Variants in TACC2 observed in about 807,000 individuals in gnomAD.
TACC2 encodes the protein transforming acidic coiled-coil containing protein 2, also known as transforming acidic coiled-coil-containing protein 2.
TACC2 carries 137 observed loss-of-function variants against 227.3 expected under a neutral mutation model. The ratio of observed to expected loss-of-function variants is 0.60; its 90% CI spans 0.52 to 0.69. The LOEUF (loss-of-function observed/expected upper bound fraction) is 0.69, where lower values mean the gene tolerates loss of function less well. Ranked by LOEUF, TACC2 falls within the 30% of genes least tolerant of loss-of-function variation. The pLI, the probability that TACC2 is intolerant of heterozygous loss-of-function variation, is 0.00. For missense variants in TACC2, 3,470 were observed against 3,694.4 expected, an observed-to-expected ratio of 0.94 and a Z score of 1.57; for synonymous variants, 1,523 against 1,487.5, an observed-to-expected ratio of 1.02 and a Z score of -0.55.
intron 16 of TACC2, among the ~76,000 whole-genome samples, chr10:122,231,553 G>GT (rs2141463481): frequency 6.6e-6 from 1 of 152,238 alleles, no homozygotes; most frequent in East Asian, 1.9e-4. Context: ...TCTTGCTTCT[G>GT]TTACCTGATC....
At chr10:122,225,727 G>A (rs1000075960) in intron 12 of TACC2, among the ~76,000 whole-genome samples, 2 of 152,190 alleles carry the variant, frequency 1.3e-5, no homozygotes, top group Non-Finnish European at 2.9e-5. Context: ...TGCCTGGTGC[G>A]TTGGCAGGCC....
At chr10:122,135,560 T>C (rs922583465) in intron 6 of TACC2, among the ~76,000 whole-genome samples, 1 of 152,232 alleles carries the variant, frequency 6.6e-6, no homozygotes, top group Admixed American at 6.5e-5. Context: ...TGTTGTCTTG[T>C]TGTTTTTACT....
At chr10:121,999,931 A>C (rs750543611) in intron 1 of TACC2, among the ~76,000 whole-genome samples, 11 of 152,244 alleles carry the variant, frequency 7.2e-5, no homozygotes, top group Non-Finnish European at 8.8e-5. Flanking sequence ...TGCAGGCCCA[A>C]GGTCTAGGAG....
At chr10:122,108,400 CTA>C (rs1216778117) in intron 5 of TACC2, among the ~76,000 whole-genome samples, 8 of 147,256 alleles carry the variant, frequency 5.4e-5, no homozygotes, top group Non-Finnish European at 7.4e-5. Context: ...CTCTCTCTCT[CTA>C]TGTGTGTGTG....
intron 7 of TACC2, among the ~76,000 whole-genome samples, chr10:122,181,841 C>T (rs757465852): frequency 2.3e-4 from 35 of 152,140 alleles, no homozygotes; most frequent in Non-Finnish European, 4.0e-4. Context: ...AATACTTATT[C>T]CCTACAATTA....
Position 122,176,117 on chromosome 10 carries a change from C to CTCTCTA in TACC2, c.5835-18922_5835-18921insCTCTAT, listed in dbSNP as rs1447382017. Among the ~76,000 whole-genome samples the CTCTCTA allele has an allele frequency of 3.1e-3, 169 of 54,630 alleles. 1 individual carries two copies. Among genetic ancestry groups the CTCTCTA allele is most frequent in the Non-Finnish European group, 4.6e-3 (132 of 28,766 alleles). 35.8% of individuals were successfully genotyped at this position (54,630 alleles called of 152,430 possible). ...TCTCTCTCTCTCTCTCTCTCTCTCT[C>CTCTCTA]TATATATATATATATATATATATAT... On this transcript the variant is annotated intron_variant, in intron 7 of 22. Transcript: ENST00000369005.
rs370168206 is a variant in TACC2, at chr10:122,210,599, C to T, written c.6174C>T (p.Asp2058=). 95 of 1,613,998 alleles carry T rather than the reference C, an allele frequency of 5.9e-5. No individual in the cohort carries two copies. The highest frequency in any genetic ancestry group is 1.6e-4 in the Middle Eastern group (1 of 6,082). ...TFQTLEPRAS[D]AKNQEGKVNT... is the part of the protein sequence containing the mutation. ...AGACCTTGGAGCCTCGTGCCTCAGACGCTAAGAATCAGGAGGGCAAAGTGA... is the reference window on the plus strand; with the variant it reads ...AGACCTTGGAGCCTCGTGCCTCAGATGCTAAGAATCAGGAGGGCAAAGTGA... The change falls in exon 9 of 23, where the codon GAC becomes GAT. Residue 2058 remains aspartate (D), a synonymous_variant. Coordinates refer to ENST00000369005, the MANE Select transcript of TACC2 (RefSeq NM_206862.4). The surrounding 1 kb of genome is among the most constrained non-coding windows in gnomAD (Gnocchi z 4.6).
At chr10:122,188,361 C>T (rs1327756093) in intron 7 of TACC2, among the ~76,000 whole-genome samples, 1 of 152,146 alleles carries the variant, frequency 6.6e-6, no homozygotes, top group African/African-American at 2.4e-5. Flanking sequence ...CTCACTACAA[C>T]CTCTGCCTCC....
At chr10:122,211,958 T>A (rs571988293) in intron 9 of TACC2, among the ~76,000 whole-genome samples, 12 of 152,320 alleles carry the variant, frequency 7.9e-5, no homozygotes, top group African/African-American at 2.9e-4. Flanking sequence ...AATAAATCAA[T>A]GGGCTGGAGC....
chr10:122,195,232 G>C, intron 8 of TACC2, 56 bp downstream of exon 8: 1 of 1,490,948 alleles, frequency 6.7e-7, no homozygotes, highest in Non-Finnish European at 9.1e-7. Context: ...AGCCCTGGGG[G>C]AGATTTGCAG....
chr10:122,181,034 G>A (rs1009135560), intron 7 of TACC2, among the ~76,000 whole-genome samples: 1 of 152,128 alleles, frequency 6.6e-6, no homozygotes, highest in African/African-American at 2.4e-5. Context: ...ATGAGCCACC[G>A]CGCCCGGCCA....
chr10:122,169,257 G>T (rs2093349397), intron 7 of TACC2, among the ~76,000 whole-genome samples: 1 of 152,238 alleles, frequency 6.6e-6, no homozygotes, highest in Non-Finnish European at 1.5e-5. Flanking sequence ...AGCCCACTGA[G>T]CAGGCTCAGA....
rs972147750 is a variant in TACC2 at position 122,031,563 on chromosome 10, C to G, written c.33+9549C>G. ...GGGACTATAGGCGCCCACCACTGCG[C>G]CCGGCTAATTTTTGCATTTTTAGTA... On this transcript the variant is annotated intron_variant, in intron 2 of 22. Transcript: ENST00000369005. 4.0e-5 allele frequency among the ~76,000 whole-genome samples: 6 copies of G among 151,780 alleles called. No homozygotes were observed. In the East Asian group the frequency reaches 1.2e-3, roughly 30 times the overall value.
chr10:122,149,535 C>G (rs569953967), intron 7 of TACC2, among the ~76,000 whole-genome samples: 1 of 150,472 alleles, frequency 6.6e-6, no homozygotes, highest in Admixed American at 6.6e-5. Context: ...CCAAATTGCT[C>G]CCTTCCCTCT....
chr10:122,039,525 G>T (rs2073991057), intron 2 of TACC2, among the ~76,000 whole-genome samples: 1 of 152,104 alleles, frequency 6.6e-6, no homozygotes, highest in African/African-American at 2.4e-5. Context: ...GTCTGGGGCG[G>T]CCTGAGATGT....
chr10:122,015,332 C>T lies in TACC2; in HGVS notation c.-45-6605C>T, dbSNP rs550608132. On this transcript the variant is annotated intron_variant, in intron 1 of 22. Transcript: ENST00000369005. ...CCAGCCTGCCCAACATGGTGAAACC[C>T]GGTCTCTACTAAAAATACAAAAATT... 3.8e-4 allele frequency among the ~76,000 whole-genome samples: 57 copies of T among 151,888 alleles called. 1 individual carries two copies. The East Asian group carries it at 9.2e-3, about 24-fold the overall frequency.
intron 5 of TACC2, among the ~76,000 whole-genome samples, chr10:122,121,279 G>A (rs2085732581): frequency 1.3e-5 from 2 of 152,212 alleles, no homozygotes; most frequent in African/African-American, 4.8e-5. Flanking sequence ...GGAGCACTTT[G>A]CGTGTGCTGG....
At position 122,186,457 on chromosome 10, in the gene TACC2, G is replaced by A. The variant is rs1331443772; in HGVS notation, c.5835-8583G>A. Among the ~76,000 whole-genome samples the A allele has an allele frequency of 4.6e-5, 7 of 152,078 alleles. No individual in the cohort carries two copies. In the East Asian group the frequency reaches 5.8e-4, roughly 13 times the overall value. On this transcript the variant is annotated intron_variant, in intron 7 of 22. Transcript: ENST00000369005. ...TACAGTGAGCTGTGACTGTGCCACCGTACTCCAGTCTAGGTGACGAGCAAG... is the reference window on the plus strand; with the variant it reads ...TACAGTGAGCTGTGACTGTGCCACCATACTCCAGTCTAGGTGACGAGCAAG...
intron 5 of TACC2, chr10:122,088,815 T>C: frequency 7.0e-7 from 1 of 1,427,690 alleles, no homozygotes; most frequent in East Asian, 2.5e-5. Context: ...TACTTGAGTT[T>C]ATTACCTTAA....
Sources: allele counts gnomAD v4.1 joint callset (sites outside exome capture counted in the v4.1 genomes callset), GRCh38; gene constraint gnomAD v4.1.1; non-coding constraint Gnocchi (gnomAD v3.1); transcripts MANE v1.5; gene names NCBI Gene and HGNC (gene_info 2026-07-23, HGNC 2026-07-21).